TMEM132D: variants seen among roughly 807,000 people sequenced by gnomAD.
TMEM132D encodes the protein mature OL transmembrane protein.
In TMEM132D, 21 loss-of-function variants were observed where a neutral mutation model predicts 62.3. That is an observed-to-expected ratio of 0.34 (90% CI 0.24 to 0.49). The LOEUF (loss-of-function observed/expected upper bound fraction) is 0.49. Ranked by LOEUF, TMEM132D falls within the 20% of genes least tolerant of loss-of-function variation. The probability of loss-of-function intolerance (pLI) is 0.99; values close to 1 mark genes in which losing one functional copy is unlikely to be tolerated. For missense variants in TMEM132D, 1,346 were observed against 1,402.8 expected (o/e 0.96, Z 0.65); for synonymous variants, 621 against 575.6 (o/e 1.08, Z -1.13).
chr12:129,613,571 T>G (rs954282475), intron 2 of TMEM132D, among the ~76,000 whole-genome samples: 2 of 152,194 alleles, frequency 1.3e-5, no homozygotes, highest in East Asian at 3.9e-4. Flanking sequence ...CAGTTTAAAC[T>G]ATGCAGGAGG....
intron 1 of TMEM132D, among the ~76,000 whole-genome samples, chr12:129,784,426 CTT>C (rs555891120): frequency 1.7e-4 from 26 of 152,148 alleles, no homozygotes; most frequent in African/African-American, 5.8e-4. Flanking sequence ...TTTAAAGTAA[CTT>C]TTAAAAATCC....
chr12:129,628,716 GT>G (rs971330672), intron 2 of TMEM132D, among the ~76,000 whole-genome samples: 1 of 152,134 alleles, frequency 6.6e-6, no homozygotes, highest in African/African-American at 2.4e-5. Flanking sequence ...AAAGCACAGT[GT>G]GGGGATACTC....
chr12:129,081,321 TG>T (rs1475203010), intron 7 of TMEM132D, among the ~76,000 whole-genome samples: 1 of 152,200 alleles, frequency 6.6e-6, no homozygotes, highest in Non-Finnish European at 1.5e-5. Context: ...TTGTCTGAGA[TG>T]GGGTCTAGCT....
intron 2 of TMEM132D, among the ~76,000 whole-genome samples, chr12:129,635,230 T>C (rs149762275): frequency 3.3e-5 from 5 of 152,368 alleles, no homozygotes; most frequent in African/African-American, 1.2e-4. Context: ...AGGTCTTTAG[T>C]AGTCATGGAA....
intron 3 of TMEM132D, among the ~76,000 whole-genome samples, chr12:129,351,869 C>T (rs1869876243): frequency 6.6e-6 from 1 of 152,146 alleles, no homozygotes. Flanking sequence ...CCTCACCATA[C>T]CAGTGCTCTC....
chr12:129,797,792 A>C (rs1382121639), intron 1 of TMEM132D, among the ~76,000 whole-genome samples: 2 of 152,208 alleles, frequency 1.3e-5, no homozygotes, highest in Non-Finnish European at 2.9e-5. Context: ...GATGGCTAAG[A>C]ATATCCAGTG....
chr12:129,102,360 G>C (rs1002283369), intron 5 of TMEM132D, among the ~76,000 whole-genome samples: 1 of 150,696 alleles, frequency 6.6e-6, no homozygotes, highest in African/African-American at 2.5e-5. Context: ...ACATATGTAC[G>C]CATGCACACA....
chr12:129,774,981 C>G (rs77592225), intron 1 of TMEM132D, among the ~76,000 whole-genome samples: 2 of 151,738 alleles, frequency 1.3e-5, no homozygotes, highest in African/African-American at 2.4e-5. Flanking sequence ...ATCAGGGGCA[C>G]AGAACCATGT....
intron 5 of TMEM132D, among the ~76,000 whole-genome samples, chr12:129,197,170 ACTTT>A (rs1377005315): frequency 6.6e-6 from 1 of 152,152 alleles, no homozygotes; most frequent in Non-Finnish European, 1.5e-5. Context: ...CGGCAATGAA[ACTTT>A]CTTTATGGAT....
intron 2 of TMEM132D, among the ~76,000 whole-genome samples, chr12:129,668,905 C>T (rs1240525107): frequency 2.0e-5 from 3 of 152,200 alleles, no homozygotes. Context: ...TGGCCTCATA[C>T]CTTGTCCACA....
chr12:129,676,299 C>G (rs973818309), intron 2 of TMEM132D, among the ~76,000 whole-genome samples: 1 of 152,204 alleles, frequency 6.6e-6, no homozygotes, highest in South Asian at 2.1e-4. Context: ...ATTTATCTAT[C>G]TATCTATCTA....
chr12:129,156,210 C>G (rs1877240556), intron 5 of TMEM132D, among the ~76,000 whole-genome samples: 1 of 151,758 alleles, frequency 6.6e-6, no homozygotes, highest in Non-Finnish European at 1.5e-5. Flanking sequence ...CGATAACTAA[C>G]TCATCCCCAA....
At chr12:129,744,449 T>C (rs1456811899) in intron 1 of TMEM132D, among the ~76,000 whole-genome samples, 2 of 152,172 alleles carry the variant, frequency 1.3e-5, no homozygotes, top group Admixed American at 6.5e-5. Flanking sequence ...CAGTCTGAAA[T>C]GGAGCCTTTG....
chr12:129,769,043 G>A, intron 1 of TMEM132D, among the ~76,000 whole-genome samples: 1 of 152,144 alleles, frequency 6.6e-6, no homozygotes, highest in South Asian at 2.1e-4. Context: ...CTGTTCAGTT[G>A]TGGCCATGGT....
chr12:129,519,490 C>T (rs1017976002), intron 3 of TMEM132D, among the ~76,000 whole-genome samples: 1 of 152,188 alleles, frequency 6.6e-6, no homozygotes, highest in African/African-American at 2.4e-5. Flanking sequence ...AATATAGCTG[C>T]ATTCCTCAGG....
chr12:129,312,051 A>G (rs1156720963), intron 4 of TMEM132D, among the ~76,000 whole-genome samples: 1 of 152,212 alleles, frequency 6.6e-6, no homozygotes, highest in East Asian at 1.9e-4. Flanking sequence ...TAGCTGCTAT[A>G]GAGGGAATGG....
intron 1 of TMEM132D, among the ~76,000 whole-genome samples, chr12:129,900,325 G>C (rs1444528778): frequency 6.6e-6 from 1 of 152,130 alleles, no homozygotes; most frequent in Non-Finnish European, 1.5e-5. Flanking sequence ...ATCCGTTTCA[G>C]CATATTATTA....
chr12:129,156,156 C>T lies in TMEM132D; in HGVS notation c.1443+53364G>A, dbSNP rs142812043. ...CACTCCAAAGAAAAATAACACACTCCCAATATAAACCAACCTATTCCCAAG... is the reference window on the plus strand; with the variant it reads ...CACTCCAAAGAAAAATAACACACTCTCAATATAAACCAACCTATTCCCAAG... On this transcript the variant is annotated intron_variant, in intron 5 of 8. Transcript: ENST00000422113. Among the ~76,000 whole-genome samples, 561 of 148,584 alleles carry T rather than the reference C, an allele frequency of 3.8e-3. 1 individual carries two copies. Among genetic ancestry groups the T allele is most frequent in the African/African-American group, 0.014 (530 of 38,184 alleles).
At chr12:129,507,219 G>A (rs554875217) in intron 3 of TMEM132D, among the ~76,000 whole-genome samples, 1 of 152,040 alleles carries the variant, frequency 6.6e-6, no homozygotes, top group African/African-American at 2.4e-5. Context: ...AATAGATGTT[G>A]GTGTGGAAGT....
Sources: gnomAD v4.1 joint callset for allele counts (sites outside exome capture counted in the v4.1 genomes callset) on GRCh38, gnomAD v4.1.1 for gene constraint, MANE v1.5 for transcripts, NCBI Gene and HGNC (gene_info 2026-07-23, HGNC 2026-07-21) for gene names.